SLC1A4: variants seen among roughly 807,000 people sequenced by gnomAD.
The protein encoded by SLC1A4 is solute carrier family 1 member 4, also known as neutral amino acid transporter A.
In SLC1A4, 19 loss-of-function variants were observed where a neutral mutation model predicts 37.7. That is an observed-to-expected ratio of 0.50 (90% confidence interval 0.35 to 0.74). SLC1A4 has a LOEUF of 0.74. SLC1A4 is among the 30% of genes least tolerant of loss of function. SLC1A4 has a pLI of 0.01. For missense variants in SLC1A4, 570 were observed against 712.9 expected (o/e 0.80, Z 2.28); for synonymous variants, 299 against 309.8 (o/e 0.97, Z 0.37).
In SLC1A4 at chr2:64,999,251, T is replaced by C. The variant is rs1258706294; in HGVS notation, c.528-2197T>C. 3.9e-5 allele frequency among the ~76,000 whole-genome samples: 6 copies of C among 152,356 alleles called. No homozygotes were observed. In the South Asian group the frequency reaches 6.2e-4, roughly 16 times the overall value. The stretch of plus-strand genomic sequence containing the variant: ...TGGTCACAGTTTTGCAACAATTTAA[T>C]TCAGCTAAAGATTAATTTTTTCTGC... On this transcript the variant is annotated intron_variant, in intron 1 of 7. Coordinates refer to ENST00000234256, the MANE Select transcript of SLC1A4 (RefSeq NM_003038.5).
chr2:64,995,960 A>C (rs1673237973), intron 1 of SLC1A4, among the ~76,000 whole-genome samples: 1 of 152,214 alleles, frequency 6.6e-6, no homozygotes, highest in Non-Finnish European at 1.5e-5. Flanking sequence ...CACCTCCCAC[A>C]GTGGTTCTGC....
chr2:65,016,566 A>AG lies in SLC1A4; in HGVS notation c.929dup (p.Ile311AsnfsTer47). The AG allele has an allele frequency of 6.2e-7, 1 of 1,614,192 alleles. No homozygotes were observed. Among genetic ancestry groups the AG allele is most frequent in the Non-Finnish European group, 8.5e-7 (1 of 1,180,016 alleles). On this transcript the variant is annotated frameshift_variant, in exon 5 of 8. Transcript: ENST00000234256. LOFTEE classifies it high-confidence loss of function. ...CTATATTGGGCCATGTTATTCATGG[A>AG]GGAATTGTTCTGCCACTTATTTATT...
chr2:64,991,900 C>G (rs1237670906), intron 1 of SLC1A4, among the ~76,000 whole-genome samples: 1 of 152,136 alleles, frequency 6.6e-6, no homozygotes, highest in East Asian at 1.9e-4. Flanking sequence ...CCTGCCTGGC[C>G]CCAGCTAACT....
intron 3 of SLC1A4, among the ~76,000 whole-genome samples, chr2:65,004,704 A>T (rs1673611022): frequency 6.6e-6 from 1 of 152,190 alleles, no homozygotes; most frequent in Admixed American, 6.5e-5. Flanking sequence ...AATAAAAATA[A>T]TTTCTAATAA....
chr2:65,020,933 G>A lies in SLC1A4; in HGVS notation c.1386G>A (p.Val462=). ...CCAGGGACCGGACCACCACGGTGGT[G>A]AATGTGGAAGGGGATGCCCTGGGTG... The part of the protein sequence containing the change: ...DWIVDRTTTV[V]NVEGDALGAG... Residue 462 remains valine (V), a synonymous_variant, in exon 8 of 8, where the codon GTG becomes GTA. Coordinates refer to ENST00000234256, the MANE Select transcript of SLC1A4 (RefSeq NM_003038.5). The A allele has an allele frequency of 1.2e-6, 2 of 1,614,140 alleles. No homozygotes were observed. Among genetic ancestry groups the A allele is most frequent in the Non-Finnish European group, 1.7e-6 (2 of 1,180,012 alleles).
At position 65,021,122 on chromosome 2, in the gene SLC1A4, G is replaced by A. The variant is rs2103685586; in HGVS notation, c.1575G>A (p.Leu525=). The A allele has an allele frequency of 3.1e-6, 5 of 1,614,132 alleles. No individual in the cohort carries two copies. The highest frequency in any genetic ancestry group is 4.2e-6 in the Non-Finnish European group (5 of 1,179,954). ...PAGPVASAPE[L]ESKESVL is the part of the protein sequence containing the mutation. ...GCCCCGTGGCCAGTGCCCCAGAACT[G>A]GAATCCAAGGAGTCGGTTCTGTGAT... The change falls in exon 8 of 8, where the codon CTG becomes CTA. Residue 525 remains leucine (L), a synonymous_variant. Transcript: ENST00000234256.
intron 1 of SLC1A4, among the ~76,000 whole-genome samples, chr2:64,995,554 A>G (rs1030863520): frequency 6.6e-6 from 1 of 152,160 alleles, no homozygotes; most frequent in Non-Finnish European, 1.5e-5. Context: ...TCACACCCCC[A>G]TCATCAGAGT....
In SLC1A4 at chr2:65,001,446, A is replaced by G; in HGVS notation, c.528-2A>G. On this transcript the variant is annotated splice_acceptor_variant, in intron 1 of 7. Transcript: ENST00000234256. LOFTEE classifies it high-confidence loss of function. ...CTGACAGAATGCTTTCTTTTCCAAC[A>G]GAAACCTGTTTCCCTCCAATCTTGT... 1 of 1,613,888 alleles carries G rather than the reference A, an allele frequency of 6.2e-7. No individual in the cohort carries two copies.
chr2:64,990,447 A>G (rs970473562), intron 1 of SLC1A4, among the ~76,000 whole-genome samples: 1 of 152,190 alleles, frequency 6.6e-6, no homozygotes, highest in African/African-American at 2.4e-5. Flanking sequence ...TTGTTAGGGA[A>G]GAGCCAGCCG....
intron 3 of SLC1A4, among the ~76,000 whole-genome samples, chr2:65,007,406 C>T (rs1277812809): frequency 1.3e-5 from 2 of 152,078 alleles, no homozygotes; most frequent in African/African-American, 4.8e-5. Context: ...ACAGAATCTG[C>T]AAAATCCCAG....
At chr2:64,988,579 G>A (rs960772599), upstream of SLC1A4, 2 of 152,346 alleles carry the variant, frequency 1.3e-5, no homozygotes, top group Non-Finnish European at 2.9e-5. Context: ...GCGGCCCAGG[G>A]GCGCCGGGTT....
At chr2:65,015,868 C>T (rs747950996) in intron 4 of SLC1A4, among the ~76,000 whole-genome samples, 5 of 152,238 alleles carry the variant, frequency 3.3e-5, no homozygotes, top group Non-Finnish European at 5.9e-5. Context: ...CCATTCCTTC[C>T]CATCCTGCCT....
chr2:65,019,854 G>T lies in SLC1A4; in HGVS notation c.1365-1058G>T, dbSNP rs75828724. 2.2e-3 allele frequency among the ~76,000 whole-genome samples: 342 copies of T among 152,292 alleles called. 1 individual carries two copies. Among genetic ancestry groups the T allele is most frequent in the Middle Eastern group, 6.8e-3 (2 of 294 alleles). ...GAACAGGGAAACAGGGCACCAAGCC[G>T]GCTGCCCAGTGGAGACCTGAAGTCA... On this transcript the variant is annotated intron_variant, in intron 7 of 7. Coordinates refer to ENST00000234256, the MANE Select transcript of SLC1A4 (RefSeq NM_003038.5).
chr2:64,993,137 C>G (rs1673125219), intron 1 of SLC1A4, among the ~76,000 whole-genome samples: 1 of 152,196 alleles, frequency 6.6e-6, no homozygotes, highest in Non-Finnish European at 1.5e-5. Context: ...ATCCAGCAGG[C>G]CCTCTCGAGG....
chr2:64,988,862 G>A (rs967982918), upstream of SLC1A4, among the ~76,000 whole-genome samples: 27 of 118,444 alleles, frequency 2.3e-4, no homozygotes, highest in African/African-American at 8.6e-4. Context: ...GAGCTCTGGA[G>A]AGGAGCGCGG....
rs1672951095 is a variant in SLC1A4, at chr2:64,989,454, C to A, written c.-190C>A. 2 of 449,620 alleles carry A rather than the reference C, an allele frequency of 4.4e-6. No individual in the cohort carries two copies. The highest frequency in any genetic ancestry group is 1.5e-4 in the South Asian group (2 of 13,692). 27.9% of individuals were successfully genotyped at this position (449,620 alleles called of 1,614,324 possible). ...TGGGCGCGATCCTCTCCGCCCGCGG[C>A]TCCAACCCGCACTCTGCGCCTCTCC... is the stretch of plus-strand genomic sequence containing the variant. On this transcript the variant is annotated 5_prime_UTR_variant, in exon 1 of 8. Coordinates refer to ENST00000234256, the MANE Select transcript of SLC1A4 (RefSeq NM_003038.5).
intron 1 of SLC1A4, chr2:65,000,069 C>G (rs879868541): frequency 6.6e-6 from 1 of 152,120 alleles, no homozygotes; most frequent in Non-Finnish European, 1.5e-5. Context: ...GGTGAGCAAC[C>G]CAGCTTCTTA....
At chr2:65,009,351 G>T (rs1218001263) in intron 3 of SLC1A4, among the ~76,000 whole-genome samples, 3 of 148,130 alleles carry the variant, frequency 2.0e-5, no homozygotes. Context: ...CCAGCCTGGG[G>T]AACAAGAGCG....
At chr2:65,016,745 T>C (rs1674155109) in intron 5 of SLC1A4, 72 bp downstream of exon 5, 2 of 941,670 alleles carry the variant, frequency 2.1e-6, no homozygotes, top group South Asian at 2.6e-5. Context: ...CAGTGGTAGA[T>C]GCACAACCAG....
Sources: allele counts gnomAD v4.1 joint callset (sites outside exome capture counted in the v4.1 genomes callset), GRCh38; gene constraint gnomAD v4.1.1; transcripts MANE v1.5; gene names NCBI Gene and HGNC (gene_info 2026-07-23, HGNC 2026-07-21).